PLCB1: variants seen among roughly 807,000 people sequenced by gnomAD.
PLCB1 encodes the protein phospholipase C beta 1, also known as 1-phosphatidylinositol 4,5-bisphosphate phosphodiesterase beta-1.
In PLCB1, 46 loss-of-function variants were observed where a neutral mutation model predicts 161.8. That is an observed-to-expected ratio of 0.28 (90% CI 0.22 to 0.36). PLCB1 has a LOEUF of 0.36. PLCB1 is among the 10% of genes least tolerant of loss of function. PLCB1 has a pLI of 1.00. For missense variants in PLCB1, 1,016 were observed against 1,472.5 expected (o/e 0.69, Z 5.07); for synonymous variants, 517 against 503.7 (o/e 1.03, Z -0.35).
chr20:8,665,498 TTAAGGA>T (rs1394963194), intron 9 of PLCB1, among the ~76,000 whole-genome samples: 4 of 152,208 alleles, frequency 2.6e-5, no homozygotes, highest in African/African-American at 9.7e-5. Flanking sequence ...TGTACTGCAA[TTAAGGA>T]TAAGTATAAT....
At chr20:8,151,750 C>T (rs551002022) in intron 2 of PLCB1, among the ~76,000 whole-genome samples, 14 of 152,142 alleles carry the variant, frequency 9.2e-5, no homozygotes, top group African/African-American at 3.1e-4. Context: ...ACTTATAATG[C>T]CTAGAGCATT....
chr20:8,395,081 A>G (rs1291411351), intron 3 of PLCB1, among the ~76,000 whole-genome samples: 2 of 152,122 alleles, frequency 1.3e-5, no homozygotes, highest in African/African-American at 4.8e-5. Context: ...GTATCTGTGC[A>G]TGAATTACAT....
At chr20:8,302,056 A>C (rs1225292374) in intron 2 of PLCB1, among the ~76,000 whole-genome samples, 4 of 152,248 alleles carry the variant, frequency 2.6e-5, no homozygotes, top group Admixed American at 2.6e-4. Context: ...TAAATGTGAA[A>C]TACTTTGAAC....
intron 3 of PLCB1, among the ~76,000 whole-genome samples, chr20:8,613,409 C>G (rs893767524): frequency 6.6e-6 from 1 of 152,150 alleles, no homozygotes; most frequent in Admixed American, 6.5e-5. Context: ...GGGACATTAG[C>G]CGTGTCTGTT....
At chr20:8,147,121 G>GT (rs922385317) in intron 1 of PLCB1, among the ~76,000 whole-genome samples, 18 of 152,254 alleles carry the variant, frequency 1.2e-4, no homozygotes, top group African/African-American at 4.3e-4. Flanking sequence ...CCGTGGTTTT[G>GT]TAAGTGTGGC....
chr20:8,801,478 A>G (rs1984276586), intron 31 of PLCB1, among the ~76,000 whole-genome samples: 1 of 152,144 alleles, frequency 6.6e-6, no homozygotes, highest in Non-Finnish European at 1.5e-5. Context: ...TATAAGCTCC[A>G]CAACGGGAAG....
At chr20:8,384,599 G>T (rs1987366235) in intron 3 of PLCB1, among the ~76,000 whole-genome samples, 1 of 152,074 alleles carries the variant, frequency 6.6e-6, no homozygotes, top group African/African-American at 2.4e-5. Context: ...GAGGAGAAGA[G>T]GCACTCTGCA....
chr20:8,262,513 A>G (rs1981752985), intron 2 of PLCB1, among the ~76,000 whole-genome samples: 1 of 152,178 alleles, frequency 6.6e-6, no homozygotes, highest in South Asian at 2.1e-4. Context: ...ACAGGGAGAC[A>G]TAGTTTAGAG....
chr20:8,841,186 T>C (rs527793205), intron 31 of PLCB1, among the ~76,000 whole-genome samples: 5 of 151,986 alleles, frequency 3.3e-5, no homozygotes, highest in East Asian at 3.9e-4. Context: ...ACAATAACTT[T>C]AAAAAAAATA....
At chr20:8,388,908 A>G (rs6108138) in intron 3 of PLCB1, among the ~76,000 whole-genome samples, 4,215 of 152,238 alleles carry the variant, frequency 0.028, 205 homozygotes, top group African/African-American at 0.095. Context: ...ATAACTAGTC[A>G]GAGATTTGGT....
chr20:8,501,118 C>T (rs935431820), intron 3 of PLCB1, among the ~76,000 whole-genome samples: 1 of 152,198 alleles, frequency 6.6e-6, no homozygotes, highest in African/African-American at 2.4e-5. Flanking sequence ...AAGAGGCACG[C>T]ACTGTGGATC....
At chr20:8,321,374 C>A (rs185924562) in intron 2 of PLCB1, among the ~76,000 whole-genome samples, 1 of 152,106 alleles carries the variant, frequency 6.6e-6, no homozygotes, top group Admixed American at 6.6e-5. Flanking sequence ...CTAAGCATTT[C>A]GTTCATTTGT....
chr20:8,197,117 C>T (rs1345469871), intron 2 of PLCB1, among the ~76,000 whole-genome samples: 1 of 151,974 alleles, frequency 6.6e-6, no homozygotes, highest in African/African-American at 2.4e-5. Context: ...TGAGTAGTGC[C>T]GCAATAAACA....
At chr20:8,424,925 A>G (rs1457275601) in intron 3 of PLCB1, among the ~76,000 whole-genome samples, 1 of 152,080 alleles carries the variant, frequency 6.6e-6, no homozygotes, top group Non-Finnish European at 1.5e-5. Context: ...CCAAATACAG[A>G]ATCTTCTTGG....
At position 8,206,997 on chromosome 20, in the gene PLCB1, C is replaced by G. The variant is rs1373401591; in HGVS notation, c.177+56626C>G. ...AAATACAAGGAGAATAAAAATTGTGCCTTCACTCTGATATAAATATGTAAA... is the reference window on the plus strand; with the variant it reads ...AAATACAAGGAGAATAAAAATTGTGGCTTCACTCTGATATAAATATGTAAA... On this transcript the variant is annotated intron_variant, in intron 2 of 31. Transcript: ENST00000338037. Among the ~76,000 whole-genome samples the G allele has an allele frequency of 1.3e-4, 12 of 94,528 alleles. 3 individuals are homozygous for G. The highest frequency in any genetic ancestry group is 5.2e-4 in the African/African-American group (12 of 22,962). 62.0% of individuals were successfully genotyped at this position (94,528 alleles called of 152,430 possible).
intron 2 of PLCB1, among the ~76,000 whole-genome samples, chr20:8,196,250 A>G (rs1340570890): frequency 1.3e-5 from 2 of 152,126 alleles, no homozygotes; most frequent in Non-Finnish European, 2.9e-5. Context: ...TGCCTTTCCC[A>G]GCACATTCTA....
In PLCB1 at chr20:8,881,939, T is replaced by A; in HGVS notation, c.*90T>A. ...CAAAGATCACTGCCCAGGACCATCT[T>A]CCCGAGAAGCATCCCTTAGCCTAAA... On this transcript the variant is annotated 3_prime_UTR_variant, in exon 32 of 32. Coordinates refer to ENST00000338037, the MANE Select transcript of PLCB1 (RefSeq NM_015192.4). The A allele has an allele frequency of 2.4e-6, 2 of 842,568 alleles. No homozygotes were observed. The highest frequency in any genetic ancestry group is 5.0e-5 in the East Asian group (2 of 39,992). The allele number at this position is 842,568 out of a possible 1,614,324, so 52.2% of individuals were successfully genotyped here.
chr20:8,473,136 C>T (rs965137830), intron 3 of PLCB1, among the ~76,000 whole-genome samples: 10 of 152,172 alleles, frequency 6.6e-5, no homozygotes, highest in Admixed American at 4.6e-4. Context: ...TCCCAAGGGA[C>T]ACTGGGGCAT....
Position 8,570,414 on chromosome 20 carries a change from C to T in PLCB1, c.247-57880C>T, listed in dbSNP as rs368583415. On this transcript the variant is annotated intron_variant, in intron 3 of 31. Coordinates refer to ENST00000338037, the MANE Select transcript of PLCB1 (RefSeq NM_015192.4). ...TATGAATATATATAGGTATATATGT[C>T]GTTTTTGCATGTGGGTGCATATATG... Among the ~76,000 whole-genome samples the T allele has an allele frequency of 4.1e-4, 62 of 152,178 alleles. No homozygotes were observed. In the South Asian group the frequency reaches 0.012, roughly 30 times the overall value.
Sources: allele counts gnomAD v4.1 joint callset (sites outside exome capture counted in the v4.1 genomes callset), GRCh38; gene constraint gnomAD v4.1.1; transcripts MANE v1.5; gene names NCBI Gene and HGNC (gene_info 2026-07-23, HGNC 2026-07-21).